Variants in LTBP1 observed in about 807,000 individuals in gnomAD.
The protein encoded by LTBP1 is latent-transforming growth factor beta-binding protein 1.
Under a neutral mutation model 207.6 loss-of-function variants are expected in LTBP1, and 129 were observed. That is an observed-to-expected ratio of 0.62 (90% confidence interval 0.54 to 0.72). The LOEUF is 0.72. Ranked by LOEUF, LTBP1 falls within the 30% of genes least tolerant of loss-of-function variation. LTBP1 has a pLI of 0.00. For synonymous variants in LTBP1, 963 were observed against 833.7 expected (o/e 1.16, Z -2.67); for missense variants, 2,281 against 2,217.2 (o/e 1.03, Z -0.58).
intron 3 of LTBP1, among the ~76,000 whole-genome samples, chr2:33,092,193 A>ATG (rs1260377211): frequency 7.2e-6 from 1 of 139,000 alleles, no homozygotes; most frequent in South Asian, 2.5e-4. Context: ...ACACACACAC[A>ATG]CGCGCACACA....
intron 5 of LTBP1, among the ~76,000 whole-genome samples, chr2:33,172,756 A>C (rs188683916): frequency 6.6e-6 from 1 of 152,244 alleles, no homozygotes; most frequent in Non-Finnish European, 1.5e-5. Flanking sequence ...AGTTGGAAGT[A>C]AAGCTCTCCT....
chr2:32,959,579 A>G (rs1220581264), intron 2 of LTBP1, among the ~76,000 whole-genome samples: 1 of 124,786 alleles, frequency 8.0e-6, no homozygotes, highest in Non-Finnish European at 1.7e-5. Flanking sequence ...GTGTATGTAT[A>G]TGTATATATA....
intron 24 of LTBP1, among the ~76,000 whole-genome samples, chr2:33,334,568 C>G (rs2094533390): frequency 6.6e-6 from 1 of 152,096 alleles, no homozygotes; most frequent in African/African-American, 2.4e-5. Context: ...AATGTGGTGA[C>G]TGGATGTGGA....
chr2:33,228,685 CAGGG>C, intron 9 of LTBP1, among the ~76,000 whole-genome samples: 3 of 103,246 alleles, frequency 2.9e-5, no homozygotes, highest in Non-Finnish European at 4.4e-5. Context: ...TAAGCCCAAC[CAGGG>C]TTATACCCTT....
intron 25 of LTBP1, among the ~76,000 whole-genome samples, chr2:33,344,437 G>A (rs572792315): frequency 3.9e-5 from 6 of 152,196 alleles, no homozygotes; most frequent in Middle Eastern, 3.4e-3. Context: ...TTCCAGCAAC[G>A]TCAGACTGGT....
intron 3 of LTBP1, among the ~76,000 whole-genome samples, chr2:33,068,016 A>G (rs142451016): frequency 8.2e-4 from 125 of 152,352 alleles, no homozygotes; most frequent in Non-Finnish European, 1.5e-3. Flanking sequence ...CAAGTAATGA[A>G]TATGCTTAAA....
At position 33,309,908 on chromosome 2, in the gene LTBP1, TG is replaced by T. The variant is rs1417780898; in HGVS notation, c.3604+353del. Among the ~76,000 whole-genome samples the T allele has an allele frequency of 3.3e-5, 5 of 152,174 alleles. No homozygotes were observed. In the East Asian group the frequency reaches 7.7e-4, roughly 24 times the overall value. On this transcript the variant is annotated intron_variant, in intron 23 of 33. Transcript: ENST00000404816. ...TTTTGTCTCATAGGTGGTATTTATC[TG>T]TCCTTTTCTGACTCTATTTTTATCC...
At chr2:33,121,022 G>T (rs2081076880) in intron 4 of LTBP1, among the ~76,000 whole-genome samples, 2 of 152,042 alleles carry the variant, frequency 1.3e-5, no homozygotes, top group South Asian at 4.1e-4. Context: ...AATTCGCATG[G>T]AGCTAACTTT....
chr2:33,334,197 A>G (rs2094528885), intron 24 of LTBP1, among the ~76,000 whole-genome samples: 1 of 152,238 alleles, frequency 6.6e-6, no homozygotes, highest in Non-Finnish European at 1.5e-5. Flanking sequence ...TAAGTCAAGA[A>G]CCTTGGCTGT....
At chr2:33,137,317 G>T (rs922588358) in intron 5 of LTBP1, among the ~76,000 whole-genome samples, 1 of 152,074 alleles carries the variant, frequency 6.6e-6, no homozygotes, top group Non-Finnish European at 1.5e-5. Context: ...TTTAAAATTT[G>T]GGAAAAATTC....
At chr2:33,206,487 T>C (rs912235310) in intron 7 of LTBP1, among the ~76,000 whole-genome samples, 4 of 152,116 alleles carry the variant, frequency 2.6e-5, no homozygotes, top group African/African-American at 7.2e-5. Context: ...ACCCCTGTAA[T>C]CCCAGCACTT....
At chr2:33,322,134 C>CTTTTTT (rs11332508) in intron 24 of LTBP1, among the ~76,000 whole-genome samples, 1 of 148,196 alleles carries the variant, frequency 6.7e-6, no homozygotes, top group Non-Finnish European at 1.5e-5. Context: ...CTTCCTAAGC[C>CTTTTTT]TTTTTTTTTT....
chr2:32,974,220 C>G (rs375331286), intron 2 of LTBP1, among the ~76,000 whole-genome samples: 2 of 152,260 alleles, frequency 1.3e-5, no homozygotes, highest in South Asian at 4.1e-4. Context: ...CCATGAACAG[C>G]GTATGAAGGT....
At chr2:33,173,343 A>C (rs1484712916) in intron 5 of LTBP1, among the ~76,000 whole-genome samples, 1 of 152,046 alleles carries the variant, frequency 6.6e-6, no homozygotes, top group African/African-American at 2.4e-5. Flanking sequence ...ATCCCACAGA[A>C]ATACAAACTA....
chr2:32,957,633 A>G (rs893042137), intron 2 of LTBP1, among the ~76,000 whole-genome samples: 9 of 152,216 alleles, frequency 5.9e-5, no homozygotes, highest in African/African-American at 2.2e-4. Context: ...TTAATAATGA[A>G]AAAGTGTGAA....
At chr2:33,326,640 A>ATTTATTTATTTATTTATTT (rs2094431007) in intron 24 of LTBP1, among the ~76,000 whole-genome samples, 1 of 144,590 alleles carries the variant, frequency 6.9e-6, no homozygotes, top group Non-Finnish European at 1.5e-5. Context: ...TGAGGGATAT[A>ATTTATTTATTTATTTATTT]ATTTATTTAT....
intron 3 of LTBP1, among the ~76,000 whole-genome samples, chr2:33,023,403 G>A (rs916145723): frequency 1.3e-5 from 2 of 152,090 alleles, no homozygotes; most frequent in African/African-American, 2.4e-5. Flanking sequence ...TGGTAGCCGC[G>A]GTGTACTTTA....
chr2:33,287,650 T>G (rs911968278), intron 19 of LTBP1, among the ~76,000 whole-genome samples: 2 of 152,170 alleles, frequency 1.3e-5, no homozygotes, highest in Non-Finnish European at 2.9e-5. Context: ...GTGATTGGAT[T>G]TTTCTGAGAT....
At chr2:33,137,271 A>G (rs1243639330) in intron 5 of LTBP1, among the ~76,000 whole-genome samples, 1 of 152,216 alleles carries the variant, frequency 6.6e-6, no homozygotes, top group Non-Finnish European at 1.5e-5. Flanking sequence ...ATAGAATACT[A>G]AATCTTTTGA....
Sources: allele counts gnomAD v4.1 joint callset (sites outside exome capture counted in the v4.1 genomes callset), GRCh38; gene constraint gnomAD v4.1.1; transcripts MANE v1.5; gene names NCBI Gene and HGNC (gene_info 2026-07-23, HGNC 2026-07-21).